The following EYS variants were observed in gnomAD, a reference collection of about 807,000 sequenced individuals.
The protein encoded by EYS is EGF-like photoreceptor maintenance factor.
A neutral mutation model predicts 282.1 loss-of-function variants in EYS; 250 were observed. That is an observed-to-expected ratio of 0.89 (90% CI 0.80 to 0.98). The LOEUF is 0.98. Among genes scored for constraint, EYS ranks in the 50% least tolerant of loss-of-function variants. The probability of loss-of-function intolerance (pLI) is 0.00; values close to 1 mark genes in which losing one functional copy is unlikely to be tolerated. For synonymous variants in EYS, 1,355 were observed against 1,282.9 expected (o/e 1.06, Z -1.20); for missense variants, 4,016 against 3,709.0 (o/e 1.08, Z -2.15).
At chr6:65,420,641 T>C (rs1382368449) in intron 5 of EYS, among the ~76,000 whole-genome samples, 1 of 151,940 alleles carries the variant, frequency 6.6e-6, no homozygotes, top group African/African-American at 2.4e-5. Context: ...AAGCTTTCAA[T>C]TGACTTTGCT....
chr6:64,892,961 A>G (rs1767333912), intron 18 of EYS, among the ~76,000 whole-genome samples: 1 of 152,044 alleles, frequency 6.6e-6, no homozygotes, highest in African/African-American at 2.4e-5. Flanking sequence ...GCTTGTTGGT[A>G]ATGATCTCGC....
At chr6:64,135,814 T>G (rs1437647316) in intron 31 of EYS, among the ~76,000 whole-genome samples, 1 of 152,146 alleles carries the variant, frequency 6.6e-6, no homozygotes, top group Non-Finnish European at 1.5e-5. Flanking sequence ...TCTGAGCCTT[T>G]AGTGATTATT....
At chr6:63,743,386 G>C (rs969194827) in intron 41 of EYS, among the ~76,000 whole-genome samples, 3 of 152,162 alleles carry the variant, frequency 2.0e-5, no homozygotes, top group Admixed American at 2.0e-4. Flanking sequence ...TAGTTTGGCA[G>C]GTGTATCAGC....
chr6:65,141,262 T>C (rs943165400), intron 12 of EYS, among the ~76,000 whole-genome samples: 2 of 151,982 alleles, frequency 1.3e-5, no homozygotes, highest in Non-Finnish European at 2.9e-5. Flanking sequence ...AAACACCGCA[T>C]GTTCTCACTC....
intron 2 of EYS, among the ~76,000 whole-genome samples, chr6:65,626,328 TAG>T (rs1172712841): frequency 1.3e-5 from 2 of 152,198 alleles, no homozygotes; most frequent in Admixed American, 1.3e-4. Context: ...AGCCACTACC[TAG>T]AGTTTGCTTG....
chr6:63,980,885 C>A (rs1279941558), intron 35 of EYS, among the ~76,000 whole-genome samples: 1 of 151,782 alleles, frequency 6.6e-6, no homozygotes, highest in African/African-American at 2.4e-5. Context: ...AGAAAGAGAA[C>A]CTTTGGCTTC....
chr6:64,544,683 G>A (rs945071168), intron 26 of EYS, among the ~76,000 whole-genome samples: 5 of 152,098 alleles, frequency 3.3e-5, no homozygotes, highest in African/African-American at 4.8e-5. Flanking sequence ...AAATGATAAA[G>A]GGGATATCAC....
intron 39 of EYS, among the ~76,000 whole-genome samples, chr6:63,784,407 G>A (rs1770314127): frequency 1.3e-5 from 2 of 152,112 alleles, no homozygotes; most frequent in Admixed American, 1.3e-4. Flanking sequence ...GGAATGTCAG[G>A]GGTGTTAGTC....
At chr6:64,133,476 T>TCACA (rs61088369) in intron 31 of EYS, among the ~76,000 whole-genome samples, 16,703 of 142,272 alleles carry the variant, frequency 0.12, 1,069 homozygotes, top group Non-Finnish European at 0.16. Flanking sequence ...TTGCATTACT[T>TCACA]CACACACACA....
intron 22 of EYS, among the ~76,000 whole-genome samples, chr6:64,672,362 T>C (rs569816399): frequency 7.2e-5 from 11 of 152,246 alleles, no homozygotes; most frequent in South Asian, 2.1e-4. Flanking sequence ...GTTCTCTTTT[T>C]TCCCCTGTCA....
At chr6:64,000,171 T>TCAGA (rs1163342304) in intron 33 of EYS, among the ~76,000 whole-genome samples, 22 of 48,418 alleles carry the variant, frequency 4.5e-4, no homozygotes, top group African/African-American at 2.5e-3. Context: ...CATGGGACTT[T>TCAGA]TTTTTTTTTT....
intron 29 of EYS, among the ~76,000 whole-genome samples, chr6:64,341,708 C>T (rs886617312): frequency 6.6e-6 from 1 of 151,628 alleles, no homozygotes. Flanking sequence ...CATGTCATCC[C>T]AACTACTCCC....
intron 30 of EYS, among the ~76,000 whole-genome samples, chr6:64,287,914 T>C (rs9344951): frequency 0.72 from 108,882 of 151,982 alleles, 39,198 homozygotes; most frequent in African/African-American, 0.79. Flanking sequence ...TTAGCAGGAA[T>C]TCTGATACAA....
chr6:63,868,654 C>T (rs573072638), intron 35 of EYS, among the ~76,000 whole-genome samples: 1 of 152,254 alleles, frequency 6.6e-6, no homozygotes, highest in South Asian at 2.1e-4. Context: ...GCTCTGATAG[C>T]ACCACAGCCC....
intron 29 of EYS, among the ~76,000 whole-genome samples, chr6:64,367,550 C>T (rs1772219884): frequency 6.6e-6 from 1 of 151,246 alleles, no homozygotes; most frequent in Non-Finnish European, 1.5e-5. Context: ...GAGCCACTCC[C>T]AGGGCATATA....
chr6:65,146,054 A>C (rs1459322468), intron 12 of EYS, among the ~76,000 whole-genome samples: 1 of 151,840 alleles, frequency 6.6e-6, no homozygotes. Flanking sequence ...AGGTATCAAT[A>C]GGAGGAAAGT....
At chr6:65,206,959 T>C (rs1766051375) in intron 12 of EYS, among the ~76,000 whole-genome samples, 1 of 151,810 alleles carries the variant, frequency 6.6e-6, no homozygotes, top group African/African-American at 2.4e-5. Context: ...CCCTAAGAAC[T>C]GGACCAAGAA....
intron 8 of EYS, among the ~76,000 whole-genome samples, chr6:65,368,004 G>A (rs1029743687): frequency 2.0e-5 from 3 of 151,612 alleles, no homozygotes; most frequent in South Asian, 2.1e-4. Context: ...AGTTCAGCAT[G>A]GGTGGGAAAG....
chr6:64,234,879 T>TC (rs1379268754), intron 30 of EYS, among the ~76,000 whole-genome samples: 1 of 133,766 alleles, frequency 7.5e-6, no homozygotes, highest in African/African-American at 2.7e-5. Flanking sequence ...AGAACTTTAT[T>TC]CTTTTTTTTT....
Sources: allele counts gnomAD v4.1 joint callset (sites outside exome capture counted in the v4.1 genomes callset), GRCh38; gene constraint gnomAD v4.1.1; transcripts MANE v1.5; gene names NCBI Gene and HGNC (gene_info 2026-07-23, HGNC 2026-07-21).